PITPNM2: variants seen among roughly 807,000 people sequenced by gnomAD.
The protein encoded by PITPNM2 is phosphatidylinositol transfer protein membrane associated 2.
PITPNM2 carries 35 observed loss-of-function variants against 132.2 expected under a neutral mutation model. That is an observed-to-expected ratio of 0.26 (90% CI 0.20 to 0.35). The LOEUF (loss-of-function observed/expected upper bound fraction) is 0.35, where lower values mean the gene tolerates loss of function less well. Ranked by LOEUF, PITPNM2 falls within the 10% of genes least tolerant of loss-of-function variation. The pLI is 1.00. For synonymous variants in PITPNM2, 738 were observed against 799.2 expected (o/e 0.92, Z 1.29); for missense variants, 1,332 against 1,912.0 (o/e 0.70, Z 5.66).
At chr12:123,014,869 G>T (rs1195859746) in intron 3 of PITPNM2, among the ~76,000 whole-genome samples, 1 of 152,080 alleles carries the variant, frequency 6.6e-6, no homozygotes, top group African/African-American at 2.4e-5. Flanking sequence ...ATTCAACAAA[G>T]TTGCAGAATA....
chr12:123,040,773 G>C (rs920028708), intron 2 of PITPNM2, among the ~76,000 whole-genome samples: 1 of 151,544 alleles, frequency 6.6e-6, no homozygotes, highest in African/African-American at 2.4e-5. Flanking sequence ...AAAAGATCAC[G>C]TAGAACATGA....
chr12:123,050,331 C>A, intron 2 of PITPNM2, among the ~76,000 whole-genome samples: 1 of 152,180 alleles, frequency 6.6e-6, no homozygotes, highest in Admixed American at 6.6e-5. Context: ...CACTCTGCCA[C>A]AACAATCTCG....
At chr12:123,019,866 G>T (rs1218858349) in intron 3 of PITPNM2, among the ~76,000 whole-genome samples, 1 of 152,132 alleles carries the variant, frequency 6.6e-6, no homozygotes, top group Non-Finnish European at 1.5e-5. Flanking sequence ...CAGCCTCAGG[G>T]GGGTCAGGGA....
intron 11 of PITPNM2, 70 bp from the exon 12 acceptor site, chr12:122,996,980 C>A: frequency 7.2e-7 from 1 of 1,386,598 alleles, no homozygotes; most frequent in Non-Finnish European, 9.7e-7. Flanking sequence ...TCTCCCCTGA[C>A]CTGAGTCTCA....
At chr12:123,121,168 G>A (rs897707639) in intron 1 of PITPNM2, among the ~76,000 whole-genome samples, 1 of 152,206 alleles carries the variant, frequency 6.6e-6, no homozygotes, top group African/African-American at 2.4e-5. Flanking sequence ...AGCTCTCACC[G>A]GTTCAAGGAG....
At chr12:122,997,945 G>C (rs1420433046) in intron 10 of PITPNM2, among the ~76,000 whole-genome samples, 1 of 152,222 alleles carries the variant, frequency 6.6e-6, no homozygotes, top group Non-Finnish European at 1.5e-5. Context: ...GGGGCTTCCA[G>C]CTTTAGCGGG....
intron 13 of PITPNM2, 56 bp downstream of exon 13, chr12:122,996,402 G>T: frequency 6.2e-7 from 1 of 1,601,180 alleles, no homozygotes; most frequent in Non-Finnish European, 8.5e-7. Context: ...CAGCCACCCT[G>T]GGGGCGTGCA....
At chr12:123,142,866 T>G (rs1350825884) in intron 1 of PITPNM2, among the ~76,000 whole-genome samples, 2 of 130,260 alleles carry the variant, frequency 1.5e-5, no homozygotes, top group African/African-American at 5.2e-5. Flanking sequence ...AAATGTTGAG[T>G]TTTTCTCCCT....
At chr12:123,016,730 G>A (rs1428554764) in intron 3 of PITPNM2, among the ~76,000 whole-genome samples, 1 of 152,160 alleles carries the variant, frequency 6.6e-6, no homozygotes, top group East Asian at 1.9e-4. Context: ...ATATAAAATG[G>A]TGGGAATGTA....
At chr12:122,989,686 C>T (rs1227281369) in intron 18 of PITPNM2, 101 bp downstream of exon 18, 1 of 1,167,896 alleles carries the variant, frequency 8.6e-7, no homozygotes, top group South Asian at 3.2e-5. Flanking sequence ...CCCCAGCTCC[C>T]TGTTAGGCCG....
intron 2 of PITPNM2, among the ~76,000 whole-genome samples, chr12:123,054,096 A>T (rs1027475296): frequency 6.6e-6 from 1 of 151,948 alleles, no homozygotes; most frequent in African/African-American, 2.4e-5. Flanking sequence ...TCATCAATTT[A>T]TTTATTTATA....
rs1256196530 is a variant in PITPNM2, at chr12:122,988,117, T to C, written c.2997+117A>G. ...AAGTGGGCTGACAGCTCCAACCTCA[T>C]GGCCTGGGAAGGTACATAAGACTGC... On this transcript the variant is annotated intron_variant, in intron 20 of 25. Coordinates refer to ENST00000320201, the MANE Select transcript of PITPNM2 (RefSeq NM_020845.3). The C allele has an allele frequency of 8.1e-6, 8 of 982,432 alleles. No individual in the cohort carries two copies. The South Asian group carries it at 8.6e-5, about 11-fold the overall frequency. 60.9% of individuals were successfully genotyped at this position (982,432 alleles called of 1,614,324 possible). A position where few individuals can be genotyped will look rare whatever the true frequency, so the allele number is the denominator to read the frequency against.
At chr12:123,068,183 C>CA (rs2041491668) in intron 2 of PITPNM2, among the ~76,000 whole-genome samples, 1 of 90,512 alleles carries the variant, frequency 1.1e-5, no homozygotes, top group African/African-American at 4.7e-5. Flanking sequence ...AATCCACGGG[C>CA]ACGGCCGGGC....
At position 123,062,496 on chromosome 12, in the gene PITPNM2, C is replaced by T. The variant is rs551932683; in HGVS notation, c.-95-27811G>A. Among the ~76,000 whole-genome samples, 9 of 152,096 alleles carry T rather than the reference C, an allele frequency of 5.9e-5. No homozygotes were observed. In the East Asian group the frequency reaches 7.7e-4, roughly 13 times the overall value. On this transcript the variant is annotated intron_variant, in intron 2 of 25. Coordinates refer to ENST00000320201, the MANE Select transcript of PITPNM2 (RefSeq NM_020845.3). ...CCCAGGGAAGGGACAATAAGGGGGACGGGGCAGGGGCAGAGGCTATTTACC... is the reference window on the plus strand; with the variant it reads ...CCCAGGGAAGGGACAATAAGGGGGATGGGGCAGGGGCAGAGGCTATTTACC...
chr12:123,059,501 C>T (rs2041161907), intron 2 of PITPNM2, among the ~76,000 whole-genome samples: 2 of 152,250 alleles, frequency 1.3e-5, no homozygotes, highest in Non-Finnish European at 2.9e-5. Context: ...GCCATACACA[C>T]CCACTAATGC....
Position 122,996,479 on chromosome 12 carries a change from C to T in PITPNM2, c.1761G>A (p.Arg587=), listed in dbSNP as rs780446974. The part of the protein sequence containing the change: ...PVSESQSSSR[R]GSVVSMQDND... Reference sequence around the variant, plus strand: ...GTACCTGCATGCTGACCACGCTGCCCCGGCGGCTGCTGCTCTGACTCTCAG... The same window carrying T: ...GTACCTGCATGCTGACCACGCTGCCTCGGCGGCTGCTGCTCTGACTCTCAG... The change falls in exon 13 of 26, where the codon CGG becomes CGA. Residue 587 remains arginine (R), a synonymous_variant. Coordinates refer to ENST00000320201, the MANE Select transcript of PITPNM2 (RefSeq NM_020845.3). 3.7e-6 allele frequency: 6 copies of T among 1,613,090 alleles called. No homozygotes were observed. The highest frequency in any genetic ancestry group is 5.1e-6 in the Non-Finnish European group (6 of 1,179,994).
At position 123,078,570 on chromosome 12, in the gene PITPNM2, C is replaced by T. The variant is rs1592996737; in HGVS notation, c.-96+31815G>A. On this transcript the variant is annotated intron_variant, in intron 2 of 25. Transcript: ENST00000320201. The surrounding 1 kb of genome is among the most constrained non-coding windows in gnomAD (Gnocchi z 7.3). Reference sequence around the variant, plus strand: ...GAGGCGTTGTGGATTTCCACCTGCCCGGCCTCCCTGTTTCTAAAAATCTGT... The same window carrying T: ...GAGGCGTTGTGGATTTCCACCTGCCTGGCCTCCCTGTTTCTAAAAATCTGT... 6.6e-6 allele frequency among the ~76,000 whole-genome samples: 1 copy of T among 152,200 alleles called. No homozygotes were observed. Among genetic ancestry groups the T allele is most frequent in the Non-Finnish European group, 1.5e-5 (1 of 68,026 alleles).
Position 122,985,867 on chromosome 12 carries a change from G to T in PITPNM2, c.*160C>A. 1.6e-6 allele frequency: 1 copy of T among 645,104 alleles called. No homozygotes were observed. The highest frequency in any genetic ancestry group is 2.3e-6 in the Non-Finnish European group (1 of 433,944). The allele number at this position is 645,104 out of a possible 1,614,324, so 40.0% of individuals were successfully genotyped here. A position where few individuals can be genotyped will look rare whatever the true frequency, so the allele number is the denominator to read the frequency against. Reference sequence around the variant, plus strand: ...GACCCGTCAGGCCCGAGGACGTGAGGCAGGGCAGGGAGCACTGTGTGGTGC... The same window carrying T: ...GACCCGTCAGGCCCGAGGACGTGAGTCAGGGCAGGGAGCACTGTGTGGTGC... On this transcript the variant is annotated 3_prime_UTR_variant, in exon 26 of 26. Transcript: ENST00000320201.
chr12:123,041,701 T>C (rs774047217), intron 2 of PITPNM2, among the ~76,000 whole-genome samples: 1 of 152,108 alleles, frequency 6.6e-6, no homozygotes, highest in Non-Finnish European at 1.5e-5. Context: ...TACTGCTGTC[T>C]GCAGGGCATC....
Sources: allele counts gnomAD v4.1 joint callset (sites outside exome capture counted in the v4.1 genomes callset), GRCh38; gene constraint gnomAD v4.1.1; non-coding constraint Gnocchi (gnomAD v3.1); transcripts MANE v1.5; gene names NCBI Gene and HGNC (gene_info 2026-07-23, HGNC 2026-07-21).